Variants in TTC28 observed in about 807,000 individuals in gnomAD.
TTC28 encodes the protein tetratricopeptide repeat protein 28.
A neutral mutation model predicts 198.0 loss-of-function variants in TTC28; 61 were observed. The ratio of observed to expected loss-of-function variants is 0.31; its 90% CI spans 0.25 to 0.38. TTC28 has a LOEUF of 0.38. Among genes scored for constraint, TTC28 ranks in the 10% least tolerant of loss-of-function variants. The probability of loss-of-function intolerance (pLI) is 1.00; values close to 1 mark genes in which losing one functional copy is unlikely to be tolerated. For synonymous variants in TTC28, 1,171 were observed against 1,297.8 expected (o/e 0.90, Z 2.10); for missense variants, 2,678 against 3,164.0 (o/e 0.85, Z 3.69).
At chr22:28,293,227 G>A (rs2044821221) in intron 5 of TTC28, among the ~76,000 whole-genome samples, 1 of 152,114 alleles carries the variant, frequency 6.6e-6, no homozygotes, top group South Asian at 2.1e-4. Flanking sequence ...AGAAACGAAA[G>A]TGTAAAGGAG....
intron 2 of TTC28, among the ~76,000 whole-genome samples, chr22:28,352,059 G>A (rs1209508198): frequency 6.6e-6 from 1 of 151,844 alleles, no homozygotes; most frequent in Non-Finnish European, 1.5e-5. Flanking sequence ...TAATTAACAG[G>A]TTACACAGAA....
chr22:28,231,234 T>C lies in TTC28; in HGVS notation c.933+64964A>G, dbSNP rs573396205. ...AGAACCAACAGTCTACAGCAGGAGA[T>C]AGATATGTAAACAAATGCTTTAACA... On this transcript the variant is annotated intron_variant, in intron 5 of 22. Coordinates refer to ENST00000397906, the MANE Select transcript of TTC28 (RefSeq NM_001145418.2). 2.0e-5 allele frequency among the ~76,000 whole-genome samples: 3 copies of C among 152,296 alleles called. No homozygotes were observed. The East Asian group carries it at 5.8e-4, about 29-fold the overall frequency.
intron 2 of TTC28, among the ~76,000 whole-genome samples, chr22:28,390,487 T>C (rs2046699061): frequency 6.6e-6 from 1 of 152,176 alleles, no homozygotes; most frequent in Non-Finnish European, 1.5e-5. Flanking sequence ...TAAGTCTCTT[T>C]GTAGGTCGCT....
At chr22:28,174,119 A>G (rs1265136007) in intron 5 of TTC28, among the ~76,000 whole-genome samples, 1 of 152,210 alleles carries the variant, frequency 6.6e-6, no homozygotes, top group Non-Finnish European at 1.5e-5. Flanking sequence ...ACATAGAAGA[A>G]TAAGGATAGA....
At chr22:28,304,805 A>G (rs114478618) in intron 3 of TTC28, among the ~76,000 whole-genome samples, 140 of 152,314 alleles carry the variant, frequency 9.2e-4, no homozygotes, top group Middle Eastern at 3.4e-3. Context: ...TAAATAAAAA[A>G]TGTTCCATGT....
At position 27,982,420 on chromosome 22, in the gene TTC28, A is replaced by T; in HGVS notation, c.7247T>A (p.Leu2416Gln). The T allele has an allele frequency of 6.4e-7, 1 of 1,551,382 alleles. No individual in the cohort carries two copies. Among genetic ancestry groups the T allele is most frequent in the South Asian group, 1.2e-5 (1 of 84,046 alleles). ...EGVDKLELKE[L>Q]SLQQHDGAPP... ...AGCTCCGTCATGCTGCTGCAGGGAC[A>T]GCTCCTTCAGTTCAAGCTTATCCAC... The change falls in exon 23 of 23, where the codon CTG (leucine) becomes CAG (glutamine). Residue 2416 changes from leucine (L) to glutamine (Q), a missense_variant. Transcript: ENST00000397906. The surrounding 1 kb of genome is among the most constrained non-coding windows in gnomAD (Gnocchi z 5.2).
chr22:28,596,166 G>T (rs757513241), intron 2 of TTC28, among the ~76,000 whole-genome samples: 2 of 152,186 alleles, frequency 1.3e-5, no homozygotes, highest in Non-Finnish European at 2.9e-5. Flanking sequence ...TCTCTGAATT[G>T]TAAGAAAACA....
chr22:28,577,989 T>C (rs1423712298), intron 2 of TTC28, among the ~76,000 whole-genome samples: 1 of 152,140 alleles, frequency 6.6e-6, no homozygotes, highest in Admixed American at 6.6e-5. Flanking sequence ...ACTAAGGACT[T>C]ACTCCTGCTA....
intron 2 of TTC28, among the ~76,000 whole-genome samples, chr22:28,511,827 A>G (rs1568988830): frequency 7.0e-6 from 1 of 143,700 alleles, no homozygotes; most frequent in Non-Finnish European, 1.5e-5. Flanking sequence ...CAGAAAAAAG[A>G]AAAAAAAAAA....
chr22:28,566,933 T>C (rs2049978070), intron 2 of TTC28, among the ~76,000 whole-genome samples: 1 of 151,784 alleles, frequency 6.6e-6, no homozygotes, highest in Admixed American at 6.6e-5. Context: ...GGTAAAAATA[T>C]AGGCTGGGTG....
intron 8 of TTC28, among the ~76,000 whole-genome samples, chr22:28,103,275 G>A (rs1021213790): frequency 1.3e-5 from 2 of 152,130 alleles, no homozygotes; most frequent in African/African-American, 4.8e-5. Flanking sequence ...ATTGATCCAC[G>A]CTCCCTTTCT....
chr22:28,507,639 T>C (rs953070224), intron 2 of TTC28, among the ~76,000 whole-genome samples: 3 of 151,362 alleles, frequency 2.0e-5, no homozygotes, highest in African/African-American at 7.3e-5. Context: ...AAAGAAAAAA[T>C]GTTAAGGGCA....
Position 27,983,740 on chromosome 22 carries a change from G to C in TTC28, c.5927C>G (p.Pro1976Arg). ...NALPLGYQQP[P>R]FSPTGADSIA... ...GCTGTCCGCACCGGTGGGAGAGAAG[G>C]GGGGTTGCTGGTAACCCAAGGGCAG... The change falls in exon 23 of 23, where the codon CCC (proline) becomes CGC (arginine). Residue 1976 changes from proline (P) to arginine (R), a missense_variant. This residue lies in a region of TTC28 where 622 missense variants were observed against 656.0 expected (regional missense o/e 0.95). Transcript: ENST00000397906. The C allele has an allele frequency of 1.9e-6, 3 of 1,551,662 alleles. No individual in the cohort carries two copies. The highest frequency in any genetic ancestry group is 1.2e-5 in the South Asian group (1 of 84,044).
At chr22:28,131,509 G>A (rs1024032596) in intron 6 of TTC28, among the ~76,000 whole-genome samples, 5 of 152,194 alleles carry the variant, frequency 3.3e-5, no homozygotes, top group Admixed American at 1.3e-4. Context: ...GTGGCTCACT[G>A]TTGCTGCCCA....
chr22:28,506,402 T>A (rs1337636759), intron 2 of TTC28, among the ~76,000 whole-genome samples: 1 of 152,132 alleles, frequency 6.6e-6, no homozygotes, highest in African/African-American at 2.4e-5. Flanking sequence ...GACAGTACTC[T>A]GATCTCTCCC....
intron 5 of TTC28, among the ~76,000 whole-genome samples, chr22:28,253,606 A>G (rs1930679314): frequency 6.6e-6 from 1 of 152,158 alleles, no homozygotes; most frequent in Non-Finnish European, 1.5e-5. Flanking sequence ...ATGAAAAATG[A>G]TGACTTAACT....
chr22:28,064,818 T>A lies in TTC28; in HGVS notation c.3932+29262A>T, dbSNP rs1601580139. On this transcript the variant is annotated intron_variant, in intron 12 of 22. Coordinates refer to ENST00000397906, the MANE Select transcript of TTC28 (RefSeq NM_001145418.2). The stretch of plus-strand genomic sequence containing the variant: ...ATCTTGGAAAAGGTATCCAGTAAAC[T>A]ATAACGCTGGCAACTCCAGGGAGGA... Among the ~76,000 whole-genome samples, 3 of 152,126 alleles carry A rather than the reference T, an allele frequency of 2.0e-5. No homozygotes were observed. The South Asian group carries it at 6.2e-4, about 32-fold the overall frequency.
chr22:28,123,112 G>A (rs913730269), intron 6 of TTC28, among the ~76,000 whole-genome samples: 19 of 152,212 alleles, frequency 1.2e-4, no homozygotes, highest in African/African-American at 4.3e-4. Context: ...CAACACATCA[G>A]CTCACTGAAA....
At chr22:28,080,048 G>T (rs1376851914) in intron 12 of TTC28, among the ~76,000 whole-genome samples, 1 of 152,122 alleles carries the variant, frequency 6.6e-6, no homozygotes, top group Non-Finnish European at 1.5e-5. Flanking sequence ...CTTTTTTAAG[G>T]CTGAGTAATA....
Sources: gnomAD v4.1 joint callset for allele counts (sites outside exome capture counted in the v4.1 genomes callset) on GRCh38, gnomAD v4.1.1 for gene constraint, gnomAD v4.1.1 regional missense constraint, Gnocchi (gnomAD v3.1) non-coding constraint, MANE v1.5 for transcripts, NCBI Gene and HGNC (gene_info 2026-07-23, HGNC 2026-07-21) for gene names.